TBC1D22B: variants seen among roughly 807,000 people sequenced by gnomAD.
TBC1D22B encodes the protein TBC1 domain family member 22B.
A neutral mutation model predicts 69.1 loss-of-function variants in TBC1D22B; 32 were observed. The observed-to-expected ratio is 0.46, with a 90% confidence interval of 0.35 to 0.62. The LOEUF (loss-of-function observed/expected upper bound fraction) is 0.62. Ranked by LOEUF, TBC1D22B falls within the 20% of genes least tolerant of loss-of-function variation. TBC1D22B has a pLI of 0.00. For synonymous variants in TBC1D22B, 206 were observed against 229.8 expected, an observed-to-expected ratio of 0.90 and a Z score of 0.94; for missense variants, 462 against 630.9, an observed-to-expected ratio of 0.73 and a Z score of 2.87.
At chr6:37,304,105 C>T (rs1767641073) in intron 8 of TBC1D22B, among the ~76,000 whole-genome samples, 1 of 152,202 alleles carries the variant, frequency 6.6e-6, no homozygotes, top group African/African-American at 2.4e-5. Context: ...CACTGGAGGG[C>T]AGTGAGTTAC....
intron 12 of TBC1D22B, chr6:37,324,323 G>A (rs1768333263): frequency 4.4e-6 from 2 of 456,694 alleles, no homozygotes; most frequent in Non-Finnish European, 8.8e-6. Context: ...CTGGTGGCTG[G>A]GAAAGACCAA....
intron 12 of TBC1D22B, among the ~76,000 whole-genome samples, chr6:37,328,717 C>T (rs947999352): frequency 6.6e-6 from 1 of 151,964 alleles, no homozygotes. Context: ...AATTTATTTT[C>T]TGTTTTTTTT....
chr6:37,281,584 G>A lies in TBC1D22B; in HGVS notation c.422-601G>A, dbSNP rs549108373. 4.6e-5 allele frequency among the ~76,000 whole-genome samples: 7 copies of A among 152,340 alleles called. No homozygotes were observed. In the South Asian group the frequency reaches 6.2e-4, roughly 14 times the overall value. ...AGGGCACACTGGTGGGCCAAGAACCGGGTACAGGATGTGCGGGGATATTGA... is the reference window on the plus strand; with the variant it reads ...AGGGCACACTGGTGGGCCAAGAACCAGGTACAGGATGTGCGGGGATATTGA... On this transcript the variant is annotated intron_variant, in intron 3 of 12. Coordinates refer to ENST00000373491, the MANE Select transcript of TBC1D22B (RefSeq NM_017772.4).
intron 12 of TBC1D22B, among the ~76,000 whole-genome samples, chr6:37,327,761 T>G (rs1211502234): frequency 1.3e-5 from 2 of 152,090 alleles, no homozygotes; most frequent in Non-Finnish European, 2.9e-5. Context: ...TGGAGGGGTT[T>G]GCCTGGAGGG....
intron 6 of TBC1D22B, among the ~76,000 whole-genome samples, chr6:37,286,575 A>G (rs1236971752): frequency 2.6e-5 from 4 of 151,634 alleles, no homozygotes; most frequent in African/African-American, 9.7e-5. Flanking sequence ...TTGGCCTCCC[A>G]AAGTGCTGGG....
In TBC1D22B at chr6:37,282,288, C is replaced by A. The variant is rs144922505; in HGVS notation, c.525C>A (p.Ala175=). The A allele has an allele frequency of 1.2e-6, 2 of 1,613,976 alleles. No homozygotes were observed. Among genetic ancestry groups the A allele is most frequent in the African/African-American group, 1.3e-5 (1 of 74,892 alleles). Residue 175 remains alanine (A), a synonymous_variant, in exon 4 of 13, where the codon GCC becomes GCA. Coordinates refer to ENST00000373491, the MANE Select transcript of TBC1D22B (RefSeq NM_017772.4). ...TCTCGGATCAGAACGCTTCTGGGGC[C>A]CCCCCAATGACTGTCCGGGAGAAAA... The part of the protein sequence containing the change: ...ARISDQNASG[A]PPMTVREKTR...
chr6:37,297,387 G>C (rs1183281544), intron 8 of TBC1D22B, among the ~76,000 whole-genome samples: 1 of 152,124 alleles, frequency 6.6e-6, no homozygotes. Flanking sequence ...GGTTTTTAAA[G>C]TACTTTACTA....
At chr6:37,262,907 C>G (rs564731498) in intron 1 of TBC1D22B, among the ~76,000 whole-genome samples, 3 of 152,320 alleles carry the variant, frequency 2.0e-5, no homozygotes, top group African/African-American at 7.2e-5. Context: ...TCAATACATT[C>G]TATGGTGTTG....
At chr6:37,305,771 C>T (rs195744) in intron 8 of TBC1D22B, among the ~76,000 whole-genome samples, 127,348 of 152,200 alleles carry the variant, frequency 0.84, 53,591 homozygotes, top group South Asian at 0.91. Context: ...CCACCCGTCT[C>T]GGCCTCCCAA....
intron 12 of TBC1D22B, among the ~76,000 whole-genome samples, chr6:37,325,255 C>T (rs1194518086): frequency 1.3e-5 from 2 of 152,160 alleles, no homozygotes; most frequent in East Asian, 1.9e-4. Flanking sequence ...TGTGCCTGGC[C>T]CTTTTCTGCT....
chr6:37,279,329 A>C lies in TBC1D22B; in HGVS notation c.139A>C (p.Asn47His), dbSNP rs781558659. 6.2e-7 allele frequency: 1 copy of C among 1,607,372 alleles called. No individual in the cohort carries two copies. Among genetic ancestry groups the C allele is most frequent in the African/African-American group, 1.3e-5 (1 of 74,412 alleles). Residue 47 changes from asparagine to histidine, a missense_variant, in exon 3 of 13, where the codon AAC becomes CAC. Asn to His is a moderately conservative substitution (Grantham distance 68). Coordinates refer to ENST00000373491, the MANE Select transcript of TBC1D22B (RefSeq NM_017772.4). ...KNFIKERSKV[N>H]TVPLKNKKAS... The stretch of plus-strand genomic sequence containing the variant: ...TTTCATTAAAGAACGATCAAAAGTC[A>C]ACACAGTTCCTCTGAAGAATAAGAA...
At chr6:37,328,871 C>T (rs1290234643) in intron 12 of TBC1D22B, among the ~76,000 whole-genome samples, 6 of 151,928 alleles carry the variant, frequency 3.9e-5, no homozygotes, top group Admixed American at 1.3e-4. Flanking sequence ...GGACTACAGG[C>T]GGCCACCACA....
intron 8 of TBC1D22B, among the ~76,000 whole-genome samples, chr6:37,301,172 A>C (rs1356427244): frequency 6.6e-6 from 1 of 152,198 alleles, no homozygotes. Context: ...ACCTTTTATT[A>C]ATACAATTTT....
intron 9 of TBC1D22B, among the ~76,000 whole-genome samples, chr6:37,313,361 G>A (rs1767980775): frequency 1.3e-5 from 2 of 152,066 alleles, no homozygotes; most frequent in South Asian, 4.1e-4. Flanking sequence ...GTGGTGGCGT[G>A]TGCCTATAGT....
chr6:37,271,479 T>C (rs1346247137), intron 2 of TBC1D22B, among the ~76,000 whole-genome samples: 1 of 152,188 alleles, frequency 6.6e-6, no homozygotes, highest in African/African-American at 2.4e-5. Context: ...TGTACCACTG[T>C]GGTGGCGGAT....
intron 8 of TBC1D22B, among the ~76,000 whole-genome samples, chr6:37,296,890 G>A (rs572527755): frequency 1.3e-5 from 2 of 151,642 alleles, no homozygotes; most frequent in South Asian, 2.1e-4. Flanking sequence ...GCAGTGGCAC[G>A]ATCTCAGCTC....
intron 7 of TBC1D22B, among the ~76,000 whole-genome samples, chr6:37,289,072 T>A (rs1296754348): frequency 6.6e-6 from 1 of 151,904 alleles, no homozygotes; most frequent in Non-Finnish European, 1.5e-5. Flanking sequence ...TTCTCATAAT[T>A]TTTTGTAGAG....
At chr6:37,294,082 C>T (rs958878922) in intron 8 of TBC1D22B, among the ~76,000 whole-genome samples, 21 of 152,292 alleles carry the variant, frequency 1.4e-4, no homozygotes, top group Non-Finnish European at 2.8e-4. Flanking sequence ...GAAGCTGCAG[C>T]AAATTGTCCG....
At chr6:37,316,272 A>G (rs1449055059) in intron 10 of TBC1D22B, among the ~76,000 whole-genome samples, 1 of 152,194 alleles carries the variant, frequency 6.6e-6, no homozygotes, top group Non-Finnish European at 1.5e-5. Context: ...CAGTGTTCAC[A>G]TCCCTGCTGG....
Sources: gnomAD v4.1 joint callset for allele counts (sites outside exome capture counted in the v4.1 genomes callset) on GRCh38, gnomAD v4.1.1 for gene constraint, MANE v1.5 for transcripts, NCBI Gene and HGNC (gene_info 2026-07-23, HGNC 2026-07-21) for gene names.